Variants in ACYP2 observed in about 807,000 individuals in gnomAD.
ACYP2 encodes acylphosphatase-2.
A neutral mutation model predicts 11.2 loss-of-function variants in ACYP2; 12 were observed. The ratio of observed to expected loss-of-function variants is 1.08; its 90% CI spans 0.69 to 1.74. The LOEUF (loss-of-function observed/expected upper bound fraction) is 1.74, where lower values mean the gene tolerates loss of function less well. Among genes scored for constraint, ACYP2 ranks in the 40% most tolerant of loss-of-function variants. The pLI is 0.00. For missense variants in ACYP2, 134 were observed against 101.9 expected (o/e 1.31, Z -1.35); for synonymous variants, 43 against 32.2 (o/e 1.33, Z -1.13).
chr2:54,148,611 A>G (rs1312000942), intron 6 of ACYP2, among the ~76,000 whole-genome samples: 1 of 152,154 alleles, frequency 6.6e-6, no homozygotes, highest in Admixed American at 6.5e-5. Context: ...GGCTAGAGAA[A>G]TTAATTTGGT....
intron 4 of ACYP2, among the ~76,000 whole-genome samples, chr2:54,096,508 C>G (rs1048267686): frequency 6.6e-6 from 1 of 152,084 alleles, no homozygotes; most frequent in Admixed American, 6.5e-5. Flanking sequence ...TTGTAGCGAG[C>G]CAAGATCACG....
At chr2:54,197,309 A>T (rs1386338990) in intron 6 of ACYP2, among the ~76,000 whole-genome samples, 1 of 152,140 alleles carries the variant, frequency 6.6e-6, no homozygotes, top group African/African-American at 2.4e-5. Flanking sequence ...TGCATCTCAG[A>T]ATTAGTTCTC....
intron 4 of ACYP2, among the ~76,000 whole-genome samples, chr2:54,134,673 A>C (rs1364490599): frequency 1.3e-5 from 2 of 152,260 alleles, no homozygotes; most frequent in Non-Finnish European, 2.9e-5. Context: ...ACTAATTTTC[A>C]AAAACACTTT....
intron 2 of ACYP2, among the ~76,000 whole-genome samples, chr2:53,991,410 CT>C (rs200668201): frequency 0.015 from 2,113 of 141,680 alleles, 22 homozygotes; most frequent in African/African-American, 0.03. Context: ...ACTTTTTTTT[CT>C]TTTTTTTTTT....
chr2:53,972,333 G>A (rs1450934902), intron 1 of ACYP2, among the ~76,000 whole-genome samples: 3 of 150,990 alleles, frequency 2.0e-5, no homozygotes, highest in East Asian at 1.9e-4. Flanking sequence ...GGCCAGGCGC[G>A]TGGTGGCTCA....
chr2:54,008,196 A>G (rs893542549), intron 2 of ACYP2, among the ~76,000 whole-genome samples: 1 of 152,190 alleles, frequency 6.6e-6, no homozygotes, highest in Non-Finnish European at 1.5e-5. Context: ...CAGCTATTCA[A>G]AGACCATGCA....
chr2:54,043,663 T>C (rs1416818424), intron 2 of ACYP2, among the ~76,000 whole-genome samples: 2 of 152,212 alleles, frequency 1.3e-5, no homozygotes, highest in Admixed American at 6.5e-5. Context: ...ATGAAGGCGA[T>C]GTTTTATTAT....
intron 6 of ACYP2, among the ~76,000 whole-genome samples, chr2:54,185,117 A>C (rs538796176): frequency 6.6e-6 from 1 of 152,164 alleles, no homozygotes; most frequent in African/African-American, 2.4e-5. Context: ...TGTCTCCCCA[A>C]CATCCATTCT....
At chr2:54,219,881 G>GTGTA (rs1222539416) in intron 6 of ACYP2, among the ~76,000 whole-genome samples, 52 of 99,466 alleles carry the variant, frequency 5.2e-4, no homozygotes, top group East Asian at 1.5e-3. Context: ...GTGTGTGTGT[G>GTGTA]TATATATATA....
intron 6 of ACYP2, among the ~76,000 whole-genome samples, chr2:54,192,505 A>T (rs1361124033): frequency 1.3e-5 from 2 of 152,218 alleles, no homozygotes; most frequent in East Asian, 3.8e-4. Context: ...TGAAGATAAC[A>T]TATCCAGTTT....
At chr2:54,100,666 C>T (rs1009250123) in intron 4 of ACYP2, among the ~76,000 whole-genome samples, 2 of 151,940 alleles carry the variant, frequency 1.3e-5, no homozygotes, top group Admixed American at 1.3e-4. Context: ...CATTTTAACT[C>T]GTTTCCTATT....
chr2:54,202,297 C>CG (rs34530011), intron 6 of ACYP2, among the ~76,000 whole-genome samples: 41,410 of 150,816 alleles, frequency 0.27, 5,846 homozygotes, highest in South Asian at 0.44. Flanking sequence ...TCAGTAGAGA[C>CG]GGAGTTTCAC....
intron 6 of ACYP2, among the ~76,000 whole-genome samples, chr2:54,229,146 C>T (rs1686128615): frequency 6.6e-6 from 1 of 152,096 alleles, no homozygotes; most frequent in African/African-American, 2.4e-5. Flanking sequence ...AGGCAAGAGA[C>T]TTATTTTCCT....
At chr2:54,005,673 A>G (rs949859897) in intron 2 of ACYP2, among the ~76,000 whole-genome samples, 5 of 152,106 alleles carry the variant, frequency 3.3e-5, no homozygotes, top group African/African-American at 1.2e-4. Context: ...TGTTCCATTG[A>G]CCAAGATCAA....
At chr2:54,105,213 G>A (rs1436412132) in intron 4 of ACYP2, among the ~76,000 whole-genome samples, 1 of 152,098 alleles carries the variant, frequency 6.6e-6, no homozygotes, top group African/African-American at 2.4e-5. Flanking sequence ...AGCCTGGCAT[G>A]ACCTTTCTCC....
chr2:53,994,791 A>C (rs996476352), intron 2 of ACYP2, among the ~76,000 whole-genome samples: 1 of 152,212 alleles, frequency 6.6e-6, no homozygotes, highest in African/African-American at 2.4e-5. Context: ...ACCAAAAGCC[A>C]GTCAACCAAT....
intron 6 of ACYP2, among the ~76,000 whole-genome samples, chr2:54,241,454 T>A (rs1198754452): frequency 6.6e-6 from 1 of 152,218 alleles, no homozygotes; most frequent in Non-Finnish European, 1.5e-5. Context: ...ATTCAAGGCA[T>A]GATACCCTGG....
intron 6 of ACYP2, among the ~76,000 whole-genome samples, chr2:54,158,430 T>G (rs75758319): frequency 0.027 from 4,137 of 152,124 alleles, 171 homozygotes; most frequent in African/African-American, 0.09. Context: ...GTTGTCGAAC[T>G]TCTGGTTTCA....
intron 2 of ACYP2, among the ~76,000 whole-genome samples, chr2:54,047,599 T>C (rs1375744658): frequency 6.6e-6 from 1 of 152,230 alleles, no homozygotes; most frequent in Non-Finnish European, 1.5e-5. Flanking sequence ...TGGTTTGGGC[T>C]AAGTTAGGAA....
Sources: allele counts gnomAD v4.1 joint callset (sites outside exome capture counted in the v4.1 genomes callset), GRCh38; gene constraint gnomAD v4.1.1; transcripts MANE v1.5; gene names NCBI Gene and HGNC (gene_info 2026-07-23, HGNC 2026-07-21).